Variants in CADM4 observed in about 807,000 individuals in gnomAD.
CADM4 encodes the protein TSLC1-like 2.
CADM4 carries 13 observed loss-of-function variants against 43.9 expected under a neutral mutation model. The observed-to-expected ratio is 0.30, with a 90% CI of 0.19 to 0.47. CADM4 has a LOEUF of 0.47. Among genes scored for constraint, CADM4 ranks in the 20% least tolerant of loss-of-function variants. The probability of loss-of-function intolerance (pLI) is 1.00; values close to 1 mark genes in which losing one functional copy is unlikely to be tolerated. For missense variants in CADM4, 420 were observed against 527.0 expected, an observed-to-expected ratio of 0.80 and a Z score of 1.99; for synonymous variants, 209 against 220.9, an observed-to-expected ratio of 0.95 and a Z score of 0.48.
upstream of CADM4, among the ~76,000 whole-genome samples, chr19:43,640,445 C>T (rs1973761419): frequency 6.6e-6 from 1 of 151,490 alleles, no homozygotes; most frequent in African/African-American, 2.4e-5. Flanking sequence ...GAGGTCGAGG[C>T]AGGTCAAGGA....
intron 1 of CADM4, among the ~76,000 whole-genome samples, chr19:43,633,490 T>C (rs1311449286): frequency 1.3e-5 from 2 of 152,212 alleles, no homozygotes; most frequent in Non-Finnish European, 2.9e-5. Flanking sequence ...GACTGGAATG[T>C]ATACTCTAGG....
chr19:43,629,352 T>G (rs1006338836), intron 1 of CADM4, among the ~76,000 whole-genome samples: 1 of 152,172 alleles, frequency 6.6e-6, no homozygotes, highest in Non-Finnish European at 1.5e-5. Context: ...CAGGGGTGTC[T>G]GTTACAGCCT....
At chr19:43,630,805 G>T (rs1390257021) in intron 1 of CADM4, among the ~76,000 whole-genome samples, 1 of 152,184 alleles carries the variant, frequency 6.6e-6, no homozygotes, top group Non-Finnish European at 1.5e-5. Flanking sequence ...TAGGAGATTT[G>T]CTTTCATCCT....
Position 43,623,200 on chromosome 19 carries a change from T to G in CADM4, c.*130A>C. 1.4e-6 allele frequency: 1 copy of G among 715,048 alleles called. No individual in the cohort carries two copies. Among genetic ancestry groups the G allele is most frequent in the South Asian group, 1.5e-5 (1 of 65,878 alleles). 44.3% of individuals were successfully genotyped at this position (715,048 alleles called of 1,614,324 possible). On this transcript the variant is annotated 3_prime_UTR_variant, in exon 9 of 9. Coordinates refer to ENST00000222374, the MANE Select transcript of CADM4 (RefSeq NM_145296.2). This position sits in a 1 kb window ranked among gnomAD's most constrained non-coding sequence, Gnocchi z 4.4. ...ACACCCCCATCCCTGCCCAAGCGTCTGAGGTGTTAGTGGTGGGGGGAGAAG... is the reference window on the plus strand; with the variant it reads ...ACACCCCCATCCCTGCCCAAGCGTCGGAGGTGTTAGTGGTGGGGGGAGAAG...
Position 43,626,968 on chromosome 19 carries a change from G to C in CADM4, c.365-50C>G, listed in dbSNP as rs1973538968. The C allele has an allele frequency of 6.6e-7, 1 of 1,522,994 alleles. No homozygotes were observed. The highest frequency in any genetic ancestry group is 1.4e-5 in the African/African-American group (1 of 72,234). The allele number at this position is 1,522,994 out of a possible 1,614,324, so 94.3% of individuals were successfully genotyped here. ...GGGGTTAAAGAAGGCACGAACGTGG[G>C]CTCAAAGCGATCGAGCTGCCTGTTC... On this transcript the variant is annotated intron_variant, in intron 3 of 8. Transcript: ENST00000222374. The surrounding 1 kb of genome is among the most constrained non-coding windows in gnomAD (Gnocchi z 5.9).
At chr19:43,624,350 T>C (rs1973489020) in intron 7 of CADM4, 108 bp from the exon 8 acceptor site, 2 of 1,412,120 alleles carry the variant, frequency 1.4e-6, no homozygotes, top group East Asian at 2.4e-5. Flanking sequence ...CCGTGCCCTT[T>C]TATGTGCCAC....
intron 1 of CADM4, among the ~76,000 whole-genome samples, chr19:43,637,596 G>T (rs117544799): frequency 3.9e-5 from 6 of 152,294 alleles, no homozygotes; most frequent in Non-Finnish European, 8.8e-5. Context: ...AGTTTACAGA[G>T]AGGGTTAGGG....
intron 1 of CADM4, among the ~76,000 whole-genome samples, chr19:43,628,151 C>T (rs1351576194): frequency 2.6e-5 from 4 of 151,800 alleles, no homozygotes; most frequent in East Asian, 1.9e-4. Flanking sequence ...GGAGGCTGAG[C>T]GCGGTGGCTC....
chr19:43,632,816 G>A (rs1973646305), intron 1 of CADM4, among the ~76,000 whole-genome samples: 1 of 151,996 alleles, frequency 6.6e-6, no homozygotes, highest in Admixed American at 6.6e-5. Flanking sequence ...CAGTGCGGTG[G>A]CTCACGCCTG....
chr19:43,640,635 T>C (rs1404033609), upstream of CADM4, among the ~76,000 whole-genome samples: 1 of 152,074 alleles, frequency 6.6e-6, no homozygotes, highest in Non-Finnish European at 1.5e-5. Flanking sequence ...GAGAGGCTCC[T>C]GTGAACACCT....
At chr19:43,636,025 A>G (rs1973699489) in intron 1 of CADM4, among the ~76,000 whole-genome samples, 2 of 148,922 alleles carry the variant, frequency 1.3e-5, no homozygotes. Context: ...CTCCTCCATC[A>G]GACCCAGGAG....
chr19:43,628,884 C>T (rs2073615775), intron 1 of CADM4, among the ~76,000 whole-genome samples: 1 of 152,202 alleles, frequency 6.6e-6, no homozygotes, highest in African/African-American at 2.4e-5. Context: ...AGCTGCCCCA[C>T]CAGCTGACAG....
upstream of CADM4, chr19:43,639,854 C>A (rs1973753125): frequency 2.0e-6 from 2 of 976,602 alleles, no homozygotes; most frequent in South Asian, 4.6e-5. Context: ...CCGCGCCGCC[C>A]GCCCCGCCCC....
Position 43,637,974 on chromosome 19 carries a change from C to A in CADM4, c.64+1753G>T, listed in dbSNP as rs533823375. On this transcript the variant is annotated intron_variant, in intron 1 of 8. Transcript: ENST00000222374. ...CTTTATTTACTGGATTCATTAGTTC[C>A]AGGATTCTATGAGCCTGGTGTTTAG... Among the ~76,000 whole-genome samples, 11 of 152,184 alleles carry A rather than the reference C, an allele frequency of 7.2e-5. No individual in the cohort carries two copies. The South Asian group carries it at 1.0e-3, about 14-fold the overall frequency.
At chr19:43,639,695 C>CCCGG (rs1973748115) in intron 1 of CADM4, 32 bp downstream of exon 1, 1 of 985,228 alleles carries the variant, frequency 1.0e-6, no homozygotes. Flanking sequence ...CCCGCCCCAG[C>CCCGG]CCGGCCGGCC....
At chr19:43,630,548 T>C (rs934844618) in intron 1 of CADM4, among the ~76,000 whole-genome samples, 2 of 152,160 alleles carry the variant, frequency 1.3e-5, no homozygotes, top group African/African-American at 4.8e-5. Flanking sequence ...CCTCCCAAAG[T>C]GCTGGGATTA....
In CADM4 at chr19:43,627,410, C is replaced by T. The variant is rs1973547913; in HGVS notation, c.212-92G>A. On this transcript the variant is annotated intron_variant, in intron 2 of 8. Coordinates refer to ENST00000222374, the MANE Select transcript of CADM4 (RefSeq NM_145296.2). This position sits in a 1 kb window ranked among gnomAD's most constrained non-coding sequence, Gnocchi z 4.0. Reference sequence around the variant, plus strand: ...CAGGAGCTTAGAGTCCAGCCCTCTGCCTCTTTTCTCCAGCCATATCTATGA... The same window carrying T: ...CAGGAGCTTAGAGTCCAGCCCTCTGTCTCTTTTCTCCAGCCATATCTATGA... 7.1e-7 allele frequency: 1 copy of T among 1,406,674 alleles called. No individual in the cohort carries two copies. The highest frequency in any genetic ancestry group is 9.5e-7 in the Non-Finnish European group (1 of 1,053,310). The allele number at this position is 1,406,674 out of a possible 1,614,324, so 87.1% of individuals were successfully genotyped here. A position where few individuals can be genotyped will look rare whatever the true frequency, so the allele number is the denominator to read the frequency against.
chr19:43,634,373 G>A (rs1255815088), intron 1 of CADM4, among the ~76,000 whole-genome samples: 1 of 152,180 alleles, frequency 6.6e-6, no homozygotes, highest in African/African-American at 2.4e-5. Context: ...TGTGGAGAAT[G>A]AGGCTTAGCG....
intron 1 of CADM4, among the ~76,000 whole-genome samples, chr19:43,638,325 C>T (rs926227516): frequency 6.6e-6 from 1 of 152,238 alleles, no homozygotes; most frequent in Non-Finnish European, 1.5e-5. Flanking sequence ...GAAAGAGAAA[C>T]AGAAGCCTGG....
Sources: allele counts gnomAD v4.1 joint callset (sites outside exome capture counted in the v4.1 genomes callset), GRCh38; gene constraint gnomAD v4.1.1; non-coding constraint Gnocchi (gnomAD v3.1); transcripts MANE v1.5; gene names NCBI Gene and HGNC (gene_info 2026-07-23, HGNC 2026-07-21).